The following OPCML variants were observed in gnomAD, a reference collection of about 807,000 sequenced individuals.
The protein encoded by OPCML is opioid-binding protein/cell adhesion molecule.
Under a neutral mutation model 37.8 loss-of-function variants are expected in OPCML, and 13 were observed. The observed-to-expected ratio is 0.34, with a 90% CI of 0.22 to 0.55. The LOEUF (loss-of-function observed/expected upper bound fraction) is 0.55, where lower values mean the gene tolerates loss of function less well. OPCML is among the 20% of genes least tolerant of loss of function. The probability of loss-of-function intolerance (pLI) is 0.91; values close to 1 mark genes in which losing one functional copy is unlikely to be tolerated. For synonymous variants in OPCML, 176 were observed against 168.8 expected (o/e 1.04, Z -0.33); for missense variants, 341 against 435.6 (o/e 0.78, Z 1.93).
chr11:132,772,214 A>AT (rs914144137), intron 2 of OPCML: 15 of 152,138 alleles, frequency 9.9e-5, no homozygotes, highest in African/African-American at 3.6e-4. Flanking sequence ...AGCAACTACT[A>AT]TTTTTTGCCA....
rs181167841 is a variant in OPCML at position 132,791,428 on chromosome 11, A to G, written c.147-134109T>C. Among the ~76,000 whole-genome samples the G allele has an allele frequency of 1.2e-4, 19 of 152,292 alleles. No individual in the cohort carries two copies. The East Asian group carries it at 3.7e-3, about 29-fold the overall frequency. On this transcript the variant is annotated intron_variant, in intron 2 of 7. Coordinates refer to ENST00000524381, the MANE Select transcript of OPCML (RefSeq NM_001012393.5). ...AGATTCCTATAGTTCTAAAATCTCT[A>G]ATAACAAGAACTATCAGACCCCTCC...
At chr11:132,843,551 T>A (rs1941390832) in intron 2 of OPCML, among the ~76,000 whole-genome samples, 1 of 151,806 alleles carries the variant, frequency 6.6e-6, no homozygotes, top group Non-Finnish European at 1.5e-5. Context: ...TAGACGCATG[T>A]GTGTATGTGA....
intron 1 of OPCML, among the ~76,000 whole-genome samples, chr11:133,052,037 C>T (rs1565419733): frequency 6.6e-6 from 1 of 152,288 alleles, no homozygotes; most frequent in East Asian, 1.9e-4. Context: ...GGCTAAACCA[C>T]CAGGTTCATA....
intron 1 of OPCML, among the ~76,000 whole-genome samples, chr11:133,305,776 C>A (rs986296255): frequency 2.0e-5 from 3 of 152,166 alleles, no homozygotes; most frequent in Non-Finnish European, 1.5e-5. Flanking sequence ...AAGTCTTTTT[C>A]TGTTGATCAT....
At chr11:132,895,618 G>A (rs1943809688) in intron 2 of OPCML, among the ~76,000 whole-genome samples, 1 of 152,200 alleles carries the variant, frequency 6.6e-6, no homozygotes, top group South Asian at 2.1e-4. Flanking sequence ...CTCTGATGAG[G>A]CTGGAGACAC....
At position 133,266,526 on chromosome 11, in the gene OPCML, G is replaced by T. The variant is rs146141038; in HGVS notation, c.61+265738C>A. Among the ~76,000 whole-genome samples, 580 of 152,194 alleles carry T rather than the reference G, an allele frequency of 3.8e-3. 5 individuals carry two copies. The highest frequency in any genetic ancestry group is 0.013 in the African/African-American group (541 of 41,500). Reference sequence around the variant, plus strand: ...TACCATGTTGTTGTCACTGCCATTTGGTATTTCCCACTAAAGTGTGTGGTC... The same window carrying T: ...TACCATGTTGTTGTCACTGCCATTTTGTATTTCCCACTAAAGTGTGTGGTC... On this transcript the variant is annotated intron_variant, in intron 1 of 7. Transcript: ENST00000524381.
At chr11:132,653,044 C>A (rs948183067) in intron 3 of OPCML, among the ~76,000 whole-genome samples, 12 of 152,222 alleles carry the variant, frequency 7.9e-5, no homozygotes, top group African/African-American at 2.9e-4. Flanking sequence ...GAAATTCATG[C>A]TGAATCTCAA....
chr11:132,625,873 G>C (rs942027876), intron 3 of OPCML, among the ~76,000 whole-genome samples: 1 of 152,050 alleles, frequency 6.6e-6, no homozygotes, highest in Non-Finnish European at 1.5e-5. Flanking sequence ...ACTGATGCTA[G>C]CCATTTTGAA....
chr11:132,532,656 A>G (rs775229459), intron 3 of OPCML, among the ~76,000 whole-genome samples: 4 of 152,132 alleles, frequency 2.6e-5, no homozygotes, highest in Non-Finnish European at 5.9e-5. Context: ...AGAAGCGTTC[A>G]TGCATTTGTG....
At chr11:132,885,856 T>C (rs1943389992) in intron 2 of OPCML, among the ~76,000 whole-genome samples, 1 of 152,178 alleles carries the variant, frequency 6.6e-6, no homozygotes, top group Non-Finnish European at 1.5e-5. Context: ...TGAGTCCTCA[T>C]TCCCCCTATC....
At chr11:133,439,805 C>T (rs1359079445) in intron 1 of OPCML, among the ~76,000 whole-genome samples, 1 of 151,982 alleles carries the variant, frequency 6.6e-6, no homozygotes, top group Non-Finnish European at 1.5e-5. Flanking sequence ...TAAAGGAGCA[C>T]TTTTCTTTCT....
chr11:133,472,346 G>A (rs1159980944), intron 1 of OPCML, among the ~76,000 whole-genome samples: 1 of 152,108 alleles, frequency 6.6e-6, no homozygotes, highest in Non-Finnish European at 1.5e-5. Flanking sequence ...CATGTGTCTT[G>A]GAGGAAGCAG....
At position 133,413,229 on chromosome 11, in the gene OPCML, G is replaced by T. The variant is rs906234173; in HGVS notation, c.61+119035C>A. 2.0e-5 allele frequency among the ~76,000 whole-genome samples: 3 copies of T among 151,892 alleles called. No homozygotes were observed. In the East Asian group the frequency reaches 5.8e-4, roughly 30 times the overall value. ...GGAGAAGCCGGGAGACCGAGGGGTA[G>T]GAGTTGTTAAAATTAGCATATTCTC... is the stretch of plus-strand genomic sequence containing the variant. On this transcript the variant is annotated intron_variant, in intron 1 of 7. Coordinates refer to ENST00000524381, the MANE Select transcript of OPCML (RefSeq NM_001012393.5).
chr11:133,151,761 G>T (rs1009465327), intron 1 of OPCML, among the ~76,000 whole-genome samples: 2 of 152,136 alleles, frequency 1.3e-5, no homozygotes, highest in African/African-American at 4.8e-5. Flanking sequence ...AGGGCTTCTC[G>T]AGAGAAGAGC....
At chr11:132,472,990 C>T (rs2096142815) in intron 4 of OPCML, among the ~76,000 whole-genome samples, 1 of 152,222 alleles carries the variant, frequency 6.6e-6, no homozygotes, top group African/African-American at 2.4e-5. Flanking sequence ...GATCATTTCT[C>T]TCAACTGCAA....
chr11:132,688,308 T>G (rs1170135443), intron 2 of OPCML, among the ~76,000 whole-genome samples: 1 of 152,186 alleles, frequency 6.6e-6, no homozygotes, highest in Non-Finnish European at 1.5e-5. Context: ...TCATCACTCA[T>G]GCTCTTTGAA....
rs987419065 is a variant in OPCML, at chr11:132,943,394, C to A, written c.62-384G>T. Reference sequence around the variant, plus strand: ...GGAGGGGAGAGGAAGAAGCAAGGTGCGGGGATGAAGGTCACAGATTGCGCT... The same window carrying A: ...GGAGGGGAGAGGAAGAAGCAAGGTGAGGGGATGAAGGTCACAGATTGCGCT... On this transcript the variant is annotated intron_variant, in intron 1 of 7. Coordinates refer to ENST00000524381, the MANE Select transcript of OPCML (RefSeq NM_001012393.5). The surrounding 1 kb of genome is among the most constrained non-coding windows in gnomAD (Gnocchi z 4.3). The A allele has an allele frequency of 4.4e-6, 2 of 456,558 alleles. No individual in the cohort carries two copies. The highest frequency in any genetic ancestry group is 1.9e-5 in the African/African-American group (1 of 51,440). 28.3% of individuals were successfully genotyped at this position (456,558 alleles called of 1,614,324 possible).
chr11:132,611,015 G>A (rs1938606527), intron 3 of OPCML, among the ~76,000 whole-genome samples: 1 of 152,038 alleles, frequency 6.6e-6, no homozygotes, highest in Non-Finnish European at 1.5e-5. Flanking sequence ...ATTTACTTTA[G>A]TTCCAGCTGC....
rs58343203 is a variant in OPCML, at chr11:133,204,058, CAAAAAAAAAA to C, written c.62-261058_62-261049del. Reference sequence around the variant, plus strand: ...GGGGGGACAGAGCGAGACTCTGTCTCAAAAAAAAAAAAAAAAAAAAAAAAAAAAAATGCAA... The same window carrying C: ...GGGGGGACAGAGCGAGACTCTGTCTCAAAAAAAAAAAAAAAAAAAATGCAA... On this transcript the variant is annotated intron_variant, in intron 1 of 7. Coordinates refer to ENST00000524381, the MANE Select transcript of OPCML (RefSeq NM_001012393.5). Among the ~76,000 whole-genome samples, 88 of 66,488 alleles carry C rather than the reference CAAAAAAAAAA, an allele frequency of 1.3e-3. 1 individual carries two copies. Among genetic ancestry groups the C allele is most frequent in the African/African-American group, 2.2e-3 (41 of 18,502 alleles). The allele number at this position is 66,488 out of a possible 152,430, so 43.6% of individuals were successfully genotyped here.
Sources: gnomAD v4.1 joint callset for allele counts (sites outside exome capture counted in the v4.1 genomes callset) on GRCh38, gnomAD v4.1.1 for gene constraint, Gnocchi (gnomAD v3.1) non-coding constraint, MANE v1.5 for transcripts, NCBI Gene and HGNC (gene_info 2026-07-23, HGNC 2026-07-21) for gene names.